NSG2: variants seen among roughly 807,000 people sequenced by gnomAD.
NSG2 encodes neuronal vesicle trafficking-associated protein 2.
Under a neutral mutation model 16.9 loss-of-function variants are expected in NSG2, and 4 were observed. That is an observed-to-expected ratio of 0.24 (90% CI 0.12 to 0.54). The LOEUF (loss-of-function observed/expected upper bound fraction) is 0.54, where lower values mean the gene tolerates loss of function less well. NSG2 is among the 20% of genes least tolerant of loss of function. NSG2 has a pLI of 0.95. For missense variants in NSG2, 179 were observed against 221.1 expected (o/e 0.81, Z 1.21); for synonymous variants, 98 against 88.7 (o/e 1.11, Z -0.59).
chr5:174,051,492 G>A (rs892665193), intron 2 of NSG2, among the ~76,000 whole-genome samples: 1 of 152,128 alleles, frequency 6.6e-6, no homozygotes, highest in Non-Finnish European at 1.5e-5. Context: ...GATAAGTATA[G>A]CTGTAGTTGT....
At chr5:174,090,362 G>A (rs913933248) in intron 3 of NSG2, among the ~76,000 whole-genome samples, 5 of 152,320 alleles carry the variant, frequency 3.3e-5, no homozygotes, top group East Asian at 1.9e-4. Flanking sequence ...CGTGGGCAAC[G>A]TCCGCCAGGG....
intron 1 of NSG2, 53 bp from the exon 2 acceptor site, chr5:174,046,681 C>G: frequency 1.9e-6 from 3 of 1,577,524 alleles, no homozygotes; most frequent in Non-Finnish European, 2.6e-6. Flanking sequence ...GTCGTCAGCC[C>G]TCTCTTTCTG....
At chr5:174,083,600 C>A (rs1000779852) in intron 3 of NSG2, among the ~76,000 whole-genome samples, 3 of 152,154 alleles carry the variant, frequency 2.0e-5, no homozygotes, top group East Asian at 1.9e-4. Flanking sequence ...CAGGAGCTGG[C>A]GTGCTTGCAA....
chr5:174,046,490 T>C (rs1203021846), intron 1 of NSG2, among the ~76,000 whole-genome samples: 2 of 152,210 alleles, frequency 1.3e-5, no homozygotes, highest in African/African-American at 2.4e-5. Flanking sequence ...TTTAGGATTT[T>C]CCTTGAATTC....
chr5:174,089,290 T>C (rs997413115), intron 3 of NSG2, among the ~76,000 whole-genome samples: 21 of 152,162 alleles, frequency 1.4e-4, no homozygotes, highest in Non-Finnish European at 2.6e-4. Context: ...AATTTACAGA[T>C]TCCTGTCCTG....
chr5:174,100,234 C>A (rs777545782), intron 3 of NSG2, among the ~76,000 whole-genome samples: 1 of 152,228 alleles, frequency 6.6e-6, no homozygotes, highest in African/African-American at 2.4e-5. Flanking sequence ...GGAGGACACC[C>A]CAGCAAGTGT....
At chr5:174,092,664 A>C (rs777748711) in intron 3 of NSG2, among the ~76,000 whole-genome samples, 3 of 152,246 alleles carry the variant, frequency 2.0e-5, no homozygotes, top group Admixed American at 6.5e-5. Context: ...TAGCATTTAC[A>C]TGACTCTCTT....
At chr5:174,058,860 T>A (rs1256320101) in intron 2 of NSG2, among the ~76,000 whole-genome samples, 1 of 152,110 alleles carries the variant, frequency 6.6e-6, no homozygotes, top group Non-Finnish European at 1.5e-5. Context: ...TTGGAGAAAA[T>A]GTGGCTTAGC....
chr5:174,082,914 T>C (rs1388080126), intron 3 of NSG2, among the ~76,000 whole-genome samples: 3 of 152,190 alleles, frequency 2.0e-5, no homozygotes, highest in African/African-American at 7.2e-5. Flanking sequence ...AATGGAACCA[T>C]GTCCATGAAT....
At chr5:174,046,976 A>T in intron 2 of NSG2, 92 bp downstream of exon 2, 1 of 1,320,596 alleles carries the variant, frequency 7.6e-7, no homozygotes. Flanking sequence ...AAATCCTTTC[A>T]TTCTCTTATC....
chr5:174,048,216 A>G (rs979720612), intron 2 of NSG2, among the ~76,000 whole-genome samples: 6 of 152,236 alleles, frequency 3.9e-5, no homozygotes, highest in African/African-American at 1.4e-4. Context: ...TGCTACATGT[A>G]TATCAGAGCT....
At chr5:174,081,244 C>T (rs1015779333) in intron 3 of NSG2, among the ~76,000 whole-genome samples, 7 of 151,916 alleles carry the variant, frequency 4.6e-5, no homozygotes, top group Non-Finnish European at 1.0e-4. Context: ...TATGTTATTT[C>T]CTGTTTGCAA....
chr5:174,098,788 CT>C (rs1218280205), intron 3 of NSG2, among the ~76,000 whole-genome samples: 2 of 152,132 alleles, frequency 1.3e-5, no homozygotes, highest in African/African-American at 2.4e-5. Flanking sequence ...CGATGAGTGG[CT>C]GAGTGAGTGG....
intron 3 of NSG2, among the ~76,000 whole-genome samples, chr5:174,100,988 T>C (rs1005531498): frequency 3.3e-5 from 5 of 152,216 alleles, no homozygotes; most frequent in Admixed American, 6.5e-5. Flanking sequence ...TGGGAAGCTT[T>C]CCAGCAGCTC....
At chr5:174,084,762 A>C (rs1379103325) in intron 3 of NSG2, among the ~76,000 whole-genome samples, 2 of 152,208 alleles carry the variant, frequency 1.3e-5, no homozygotes, top group East Asian at 3.9e-4. Flanking sequence ...TTGAATAAGC[A>C]CACAAACAGG....
At chr5:174,084,488 T>A (rs1351899062) in intron 3 of NSG2, among the ~76,000 whole-genome samples, 1 of 152,194 alleles carries the variant, frequency 6.6e-6, no homozygotes, top group Non-Finnish European at 1.5e-5. Flanking sequence ...CACAGGTGAA[T>A]GTCAAACTGG....
chr5:174,094,090 G>A (rs889542731), intron 3 of NSG2, among the ~76,000 whole-genome samples: 29 of 152,166 alleles, frequency 1.9e-4, no homozygotes, highest in Admixed American at 1.1e-3. Context: ...GTATCACAAC[G>A]CCAATTAAGG....
chr5:174,076,001 T>A (rs1432106603), intron 3 of NSG2, among the ~76,000 whole-genome samples: 1 of 152,228 alleles, frequency 6.6e-6, no homozygotes, highest in Non-Finnish European at 1.5e-5. Flanking sequence ...CATTCATTCA[T>A]TCTAATTCTT....
intron 3 of NSG2, among the ~76,000 whole-genome samples, chr5:174,100,667 C>T (rs1020329803): frequency 2.0e-5 from 3 of 152,206 alleles, no homozygotes; most frequent in South Asian, 2.1e-4. Context: ...GCTCTGTGCT[C>T]GTGCTCTCTA....
Sources: allele counts gnomAD v4.1 joint callset (sites outside exome capture counted in the v4.1 genomes callset), GRCh38; gene constraint gnomAD v4.1.1; transcripts MANE v1.5; gene names NCBI Gene and HGNC (gene_info 2026-07-23, HGNC 2026-07-21).